Variants in MTX2 observed in about 807,000 individuals in gnomAD.
MTX2 encodes the protein metaxin 2, also known as metaxin-2.
Under a neutral mutation model 42.3 loss-of-function variants are expected in MTX2, and 35 were observed. The ratio of observed to expected loss-of-function variants is 0.83; its 90% CI spans 0.63 to 1.10. The LOEUF (loss-of-function observed/expected upper bound fraction) is 1.10. Among genes scored for constraint, MTX2 ranks in the 50% least tolerant of loss-of-function variants. The probability of loss-of-function intolerance (pLI) is 0.00; values close to 1 mark genes in which losing one functional copy is unlikely to be tolerated. For missense variants in MTX2, 307 were observed against 304.1 expected (o/e 1.01, Z -0.07); for synonymous variants, 119 against 100.9 (o/e 1.18, Z -1.08).
At chr2:176,329,035 CACTT>C (rs1256815177) in intron 7 of MTX2, 123 bp downstream of exon 7, 18 of 962,878 alleles carry the variant, frequency 1.9e-5, no homozygotes, top group Non-Finnish European at 2.8e-5. Context: ...TATAGTTTTT[CACTT>C]ACTTTAATTT....
chr2:176,290,765 T>C lies in MTX2; in HGVS notation c.41-6095T>C, dbSNP rs74449203. 6.6e-5 allele frequency among the ~76,000 whole-genome samples: 10 copies of C among 151,614 alleles called. No individual in the cohort carries two copies. In the East Asian group the frequency reaches 7.7e-4, roughly 12 times the overall value. On this transcript the variant is annotated intron_variant, in intron 1 of 9. Transcript: ENST00000249442. The stretch of plus-strand genomic sequence containing the variant: ...AATAACTAGTTTTTTTTTTTTTTTT[T>C]CCTCTCATGTCATGCTTTACATGTA...
chr2:176,303,398 A>G (rs1382580996), intron 3 of MTX2, among the ~76,000 whole-genome samples: 3 of 152,124 alleles, frequency 2.0e-5, no homozygotes, highest in Non-Finnish European at 4.4e-5. Flanking sequence ...TTTAGTGAAC[A>G]TTTATGAGAT....
Position 176,328,405 on chromosome 2 carries a change from G to A in MTX2, c.378+20G>A, listed in dbSNP as rs768007897. 8 of 1,418,892 alleles carry A rather than the reference G, an allele frequency of 5.6e-6. No homozygotes were observed. The highest frequency in any genetic ancestry group is 1.5e-5 in the African/African-American group (1 of 67,964). 87.9% of individuals were successfully genotyped at this position (1,418,892 alleles called of 1,614,324 possible). A position where few individuals can be genotyped will look rare whatever the true frequency, so the allele number is the denominator to read the frequency against. ...GCAGAGGTAAAATACTAGATGATAC[G>A]GCTTGAAAATAAGCTTTTTCTCTCA... is the stretch of plus-strand genomic sequence containing the variant. On this transcript the variant is annotated intron_variant, in intron 6 of 9. Transcript: ENST00000249442.
intron 1 of MTX2, among the ~76,000 whole-genome samples, chr2:176,295,918 C>T (rs1022020837): frequency 6.6e-6 from 1 of 152,140 alleles, no homozygotes; most frequent in Non-Finnish European, 1.5e-5. Context: ...TATCAAATCT[C>T]ATATATTTAG....
At chr2:176,299,482 TG>T (rs1178941011) in intron 3 of MTX2, among the ~76,000 whole-genome samples, 13 of 152,240 alleles carry the variant, frequency 8.5e-5, no homozygotes, top group African/African-American at 2.6e-4. Flanking sequence ...AAATCATAGT[TG>T]CAATTAAAAA....
At position 176,296,891 on chromosome 2, in the gene MTX2, A is replaced by G. The variant is rs756733787; in HGVS notation, c.72A>G (p.Leu24=). ...AACCTTGGCCTGAAAATGCTACATT[A>G]TATCAGCAATTGAAAGGTAAGTCTT... ...AAEPWPENAT[L]YQQLKGEQIL... is the part of the protein sequence containing the mutation. The change falls in exon 2 of 10, where the codon TTA becomes TTG. Residue 24 remains leucine, a synonymous_variant. Transcript: ENST00000249442. 2 of 1,613,452 alleles carry G rather than the reference A, an allele frequency of 1.2e-6. No individual in the cohort carries two copies. The highest frequency in any genetic ancestry group is 1.7e-6 in the Non-Finnish European group (2 of 1,179,552).
At chr2:176,336,955 A>G (rs1412629015) in intron 9 of MTX2, among the ~76,000 whole-genome samples, 1 of 152,216 alleles carries the variant, frequency 6.6e-6, no homozygotes, top group Non-Finnish European at 1.5e-5. Context: ...ATAAAATGGC[A>G]TAATTGCTTA....
intron 3 of MTX2, among the ~76,000 whole-genome samples, chr2:176,300,484 C>T (rs1045086297): frequency 6.6e-6 from 1 of 152,062 alleles, no homozygotes; most frequent in South Asian, 2.1e-4. Context: ...GTGTATTTTA[C>T]ACTTACAGTA....
intron 1 of MTX2, among the ~76,000 whole-genome samples, chr2:176,272,552 C>CATTTATACAAATGTTTTTGTA (rs1394717007): frequency 1.3e-5 from 2 of 152,170 alleles, no homozygotes; most frequent in Non-Finnish European, 2.9e-5. Flanking sequence ...TTGTCAAAAA[C>CATTTATACAAATGTTTTTGTA]ATTTATACAA....
intron 1 of MTX2, among the ~76,000 whole-genome samples, chr2:176,291,729 C>G (rs1693333020): frequency 6.6e-6 from 1 of 152,102 alleles, no homozygotes; most frequent in Non-Finnish European, 1.5e-5. Context: ...CCTTATGCAA[C>G]TGCACAGGTT....
intron 1 of MTX2, among the ~76,000 whole-genome samples, chr2:176,291,222 G>A (rs1403855759): frequency 1.3e-5 from 2 of 152,238 alleles, no homozygotes; most frequent in African/African-American, 2.4e-5. Flanking sequence ...TTTGAGTTGT[G>A]TTGTTGGTTA....
intron 3 of MTX2, among the ~76,000 whole-genome samples, chr2:176,320,488 A>G (rs1458742747): frequency 6.6e-6 from 1 of 152,060 alleles, no homozygotes; most frequent in East Asian, 1.9e-4. Flanking sequence ...GAAGGCCTCA[A>G]TCCCTTCTTA....
intron 1 of MTX2, among the ~76,000 whole-genome samples, chr2:176,271,847 T>A (rs750670868): frequency 6.6e-5 from 10 of 152,148 alleles, no homozygotes; most frequent in Non-Finnish European, 1.5e-4. Context: ...AAACTAGAAA[T>A]GTTTTAAATA....
chr2:176,329,455 C>T (rs1482081262), intron 8 of MTX2, 29 bp downstream of exon 8: 1 of 1,584,112 alleles, frequency 6.3e-7, no homozygotes, highest in African/African-American at 1.4e-5. Flanking sequence ...TGACAAAACC[C>T]TCAACTTTTA....
At chr2:176,297,136 A>G (rs1235656730) in intron 2 of MTX2, among the ~76,000 whole-genome samples, 1 of 152,178 alleles carries the variant, frequency 6.6e-6, no homozygotes, top group Non-Finnish European at 1.5e-5. Flanking sequence ...TGGCTGCTGT[A>G]GGCGGTGTAA....
At chr2:176,294,090 A>T (rs899786663) in intron 1 of MTX2, among the ~76,000 whole-genome samples, 4 of 152,132 alleles carry the variant, frequency 2.6e-5, no homozygotes, top group Admixed American at 2.6e-4. Flanking sequence ...TATGTCTTAG[A>T]TTGAGTGAAA....
At chr2:176,308,731 G>T (rs1285780173) in intron 3 of MTX2, among the ~76,000 whole-genome samples, 1 of 152,130 alleles carries the variant, frequency 6.6e-6, no homozygotes, top group South Asian at 2.1e-4. Flanking sequence ...TGGGATCGTT[G>T]GTGATATCCC....
chr2:176,304,874 G>A (rs978315507), intron 3 of MTX2, among the ~76,000 whole-genome samples: 2 of 152,044 alleles, frequency 1.3e-5, no homozygotes, highest in African/African-American at 4.8e-5. Flanking sequence ...TGGTTGGACT[G>A]AAAATGGATT....
chr2:176,283,240 C>T (rs144431049), intron 1 of MTX2, among the ~76,000 whole-genome samples: 1,900 of 152,254 alleles, frequency 0.012, 36 homozygotes, highest in African/African-American at 0.043. Context: ...CACCCCTAAT[C>T]CCACCTCCCT....
Sources: gnomAD v4.1 joint callset for allele counts (sites outside exome capture counted in the v4.1 genomes callset) on GRCh38, gnomAD v4.1.1 for gene constraint, MANE v1.5 for transcripts, NCBI Gene and HGNC (gene_info 2026-07-23, HGNC 2026-07-21) for gene names.